Variants in WWOX observed in about 807,000 individuals in gnomAD.
WWOX encodes the protein WW domain containing oxidoreductase, also known as WW domain-containing oxidoreductase.
Under a neutral mutation model 46.2 loss-of-function variants are expected in WWOX, and 69 were observed. The observed-to-expected ratio is 1.49, with a 90% CI of 1.23 to 1.82. WWOX has a LOEUF of 1.82. Ranked by LOEUF, WWOX falls within the 40% of genes most tolerant of loss-of-function variation. WWOX has a pLI of 0.00. For missense variants in WWOX, 919 were observed against 542.6 expected, an observed-to-expected ratio of 1.69 and a Z score of -6.89; for synonymous variants, 359 against 202.6, an observed-to-expected ratio of 1.77 and a Z score of -6.56.
chr16:78,476,129 A>G (rs754097934), intron 8 of WWOX, among the ~76,000 whole-genome samples: 1 of 152,172 alleles, frequency 6.6e-6, no homozygotes, highest in African/African-American at 2.4e-5. Flanking sequence ...CTTGCCTGTG[A>G]TACAGGTGGT....
Position 78,099,893 on chromosome 16 carries a change from G to C in WWOX, c.107+8G>C, listed in dbSNP as rs1317864336. ...CTGGGTTTACTACGCCAAGTAAGGG[G>C]GCCGCAGTGGGGCCGCGGACGCACC... is the stretch of plus-strand genomic sequence containing the variant. On this transcript the variant is annotated splice_region_variant and intron_variant, in intron 1 of 8. Coordinates refer to ENST00000566780, the MANE Select transcript of WWOX (RefSeq NM_016373.4). 6.4e-7 allele frequency: 1 copy of C among 1,556,804 alleles called. No individual in the cohort carries two copies. The highest frequency in any genetic ancestry group is 1.2e-5 in the South Asian group (1 of 84,064).
intron 8 of WWOX, among the ~76,000 whole-genome samples, chr16:78,720,694 G>C (rs1306083894): frequency 6.6e-6 from 1 of 151,994 alleles, no homozygotes; most frequent in Non-Finnish European, 1.5e-5. Context: ...CGAGTTTTAT[G>C]ATTCTGCAAG....
intron 8 of WWOX, among the ~76,000 whole-genome samples, chr16:79,194,281 T>TGAA (rs2051194552): frequency 6.6e-6 from 1 of 152,204 alleles, no homozygotes; most frequent in Non-Finnish European, 1.5e-5. Flanking sequence ...ATTTTTCCTT[T>TGAA]GGCCTTCAAA....
intron 8 of WWOX, among the ~76,000 whole-genome samples, chr16:79,107,566 C>A (rs1438522006): frequency 6.6e-6 from 1 of 152,208 alleles, no homozygotes; most frequent in Non-Finnish European, 1.5e-5. Context: ...CAAAGACCAG[C>A]CTGACTTAGC....
intron 5 of WWOX, among the ~76,000 whole-genome samples, chr16:78,247,078 C>T (rs1389063186): frequency 6.6e-6 from 1 of 152,062 alleles, no homozygotes; most frequent in African/African-American, 2.4e-5. Context: ...GTTATGTTTA[C>T]GTGTTTGCTG....
At chr16:79,099,086 G>A (rs752445652) in intron 8 of WWOX, among the ~76,000 whole-genome samples, 1 of 152,148 alleles carries the variant, frequency 6.6e-6, no homozygotes, top group African/African-American at 2.4e-5. Context: ...CAGAGAGGAA[G>A]CAAGAGAGAA....
intron 6 of WWOX, among the ~76,000 whole-genome samples, chr16:78,402,415 T>A (rs1395462763): frequency 6.6e-6 from 1 of 152,246 alleles, no homozygotes; most frequent in Admixed American, 6.5e-5. Flanking sequence ...TTTTGGCTAC[T>A]GTAAAAGATG....
chr16:79,068,653 A>AAC (rs1375528421), intron 8 of WWOX, among the ~76,000 whole-genome samples: 1 of 150,868 alleles, frequency 6.6e-6, no homozygotes, highest in Non-Finnish European at 1.5e-5. Flanking sequence ...ACAACAACAA[A>AAC]AAAAAAAATT....
intron 5 of WWOX, among the ~76,000 whole-genome samples, chr16:78,294,788 G>A (rs964575724): frequency 1.7e-5 from 2 of 119,888 alleles, no homozygotes; most frequent in African/African-American, 2.9e-5. Context: ...AAGGAAGGAT[G>A]GGAAGGAGGG....
chr16:78,874,650 C>G (rs1023037018), intron 8 of WWOX, among the ~76,000 whole-genome samples: 1 of 150,406 alleles, frequency 6.6e-6, no homozygotes, highest in Non-Finnish European at 1.5e-5. Context: ...AATTGAAACA[C>G]CTTCAACTGT....
rs181753276 is a variant in WWOX at position 78,561,269 on chromosome 16, T to G, written c.1056+128517T>G. 2.0e-5 allele frequency among the ~76,000 whole-genome samples: 3 copies of G among 152,210 alleles called. No individual in the cohort carries two copies. In the East Asian group the frequency reaches 5.8e-4, roughly 29 times the overall value. The stretch of plus-strand genomic sequence containing the variant: ...CCCTCCTGCTTTGAATCTCTCTGAC[T>G]TTCCTTGACTTTGATGTCTAGGTCT... On this transcript the variant is annotated intron_variant, in intron 8 of 8. Coordinates refer to ENST00000566780, the MANE Select transcript of WWOX (RefSeq NM_016373.4).
At chr16:78,288,267 CTTTTTTT>C (rs201333228) in intron 5 of WWOX, among the ~76,000 whole-genome samples, 1 of 124,704 alleles carries the variant, frequency 8.0e-6, no homozygotes, top group Non-Finnish European at 1.7e-5. Context: ...TATGAGTTTA[CTTTTTTT>C]TTTTTTTTTG....
At chr16:78,401,307 G>A (rs1343588185) in intron 6 of WWOX, among the ~76,000 whole-genome samples, 1 of 152,180 alleles carries the variant, frequency 6.6e-6, no homozygotes, top group African/African-American at 2.4e-5. Context: ...TTTAAGAAAA[G>A]CCAAGTTTAA....
At chr16:78,476,561 A>C (rs1464487492) in intron 8 of WWOX, among the ~76,000 whole-genome samples, 2 of 151,740 alleles carry the variant, frequency 1.3e-5, no homozygotes, top group African/African-American at 4.9e-5. Flanking sequence ...CATATGTAAC[A>C]AACCTGCACG....
chr16:78,779,016 T>A (rs1349498365), intron 8 of WWOX, among the ~76,000 whole-genome samples: 2 of 152,232 alleles, frequency 1.3e-5, no homozygotes, highest in Non-Finnish European at 2.9e-5. Context: ...CCAGTCTGAA[T>A]AAAACCAATG....
intron 8 of WWOX, among the ~76,000 whole-genome samples, chr16:79,175,786 C>G (rs1347884091): frequency 1.3e-5 from 2 of 152,172 alleles, no homozygotes; most frequent in Admixed American, 1.3e-4. Context: ...GGAGCTCCAA[C>G]TCTGTTTGGT....
intron 8 of WWOX, among the ~76,000 whole-genome samples, chr16:78,583,378 A>T (rs2045112534): frequency 6.6e-6 from 1 of 152,148 alleles, no homozygotes; most frequent in Non-Finnish European, 1.5e-5. Flanking sequence ...CCATTCTAGA[A>T]CCTTACCTAC....
chr16:78,839,294 T>C (rs1344611697), intron 8 of WWOX, among the ~76,000 whole-genome samples: 1 of 152,158 alleles, frequency 6.6e-6, no homozygotes, highest in East Asian at 1.9e-4. Flanking sequence ...TTCCTAGATA[T>C]AAAATGGAGA....
intron 8 of WWOX, among the ~76,000 whole-genome samples, chr16:78,529,721 C>G: frequency 6.6e-6 from 1 of 152,108 alleles, no homozygotes; most frequent in Non-Finnish European, 1.5e-5. Context: ...CCCACCTCGG[C>G]CTCCCAAAGT....
Sources: gnomAD v4.1 joint callset for allele counts (sites outside exome capture counted in the v4.1 genomes callset) on GRCh38, gnomAD v4.1.1 for gene constraint, MANE v1.5 for transcripts, NCBI Gene and HGNC (gene_info 2026-07-23, HGNC 2026-07-21) for gene names.